Variants in PZP observed in about 807,000 individuals in gnomAD.
The protein encoded by PZP is pregnancy zone protein.
A neutral mutation model predicts 179.8 loss-of-function variants in PZP; 150 were observed. That is an observed-to-expected ratio of 0.83 (90% CI 0.73 to 0.96). The LOEUF (loss-of-function observed/expected upper bound fraction) is 0.96, where lower values mean the gene tolerates loss of function less well. Among genes scored for constraint, PZP ranks in the 40% least tolerant of loss-of-function variants. The probability of loss-of-function intolerance (pLI) is 0.00; values close to 1 mark genes in which losing one functional copy is unlikely to be tolerated. For missense variants in PZP, 1,689 were observed against 1,764.0 expected (o/e 0.96, Z 0.76); for synonymous variants, 624 against 652.3 (o/e 0.96, Z 0.66).
In PZP at chr12:9,162,456, A is replaced by G. The variant is rs1941275218; in HGVS notation, c.2788+141T>C. On this transcript the variant is annotated intron_variant, in intron 22 of 35. Coordinates refer to ENST00000261336, the MANE Select transcript of PZP (RefSeq NM_002864.3). ...CTCAATGTCTTCATCTGTAAAACAT[A>G]CATAAAGAAATATTTAGTATTATGC... 7.7e-6 allele frequency: 5 copies of G among 645,256 alleles called. No individual in the cohort carries two copies. In the East Asian group the frequency reaches 1.4e-4, roughly 18 times the overall value. 40.0% of individuals were successfully genotyped at this position (645,256 alleles called of 1,614,324 possible).
At chr12:9,144,112 G>A (rs1939879431), downstream of PZP, among the ~76,000 whole-genome samples, 1 of 152,102 alleles carries the variant, frequency 6.6e-6, no homozygotes, top group African/African-American at 2.4e-5. Flanking sequence ...GTCCAATATT[G>A]GATGTTCCAG....
downstream of PZP, among the ~76,000 whole-genome samples, chr12:9,146,332 G>T (rs1940006659): frequency 6.6e-6 from 1 of 151,456 alleles, no homozygotes; most frequent in African/African-American, 2.4e-5. Context: ...GAATTTTTAA[G>T]TTACTGTGTT....
At chr12:9,186,381 C>G (rs995811223) in intron 13 of PZP, among the ~76,000 whole-genome samples, 2 of 152,154 alleles carry the variant, frequency 1.3e-5, no homozygotes, top group African/African-American at 4.8e-5. Flanking sequence ...AACATGATGG[C>G]AGATTCAAAT....
chr12:9,169,086 G>A lies in PZP; in HGVS notation c.2002-112C>T, dbSNP rs1941797714. ...CCAGTATCCTTATATTAATTCTATGGCGAAACACTTGACAGTAAATATAGA... is the reference window on the plus strand; with the variant it reads ...CCAGTATCCTTATATTAATTCTATGACGAAACACTTGACAGTAAATATAGA... On this transcript the variant is annotated intron_variant, in intron 16 of 35. Transcript: ENST00000261336. 1.3e-5 allele frequency: 9 copies of A among 709,668 alleles called. No individual in the cohort carries two copies. In the Admixed American group the frequency reaches 2.2e-4, roughly 17 times the overall value. The allele number at this position is 709,668 out of a possible 1,614,324, so 44.0% of individuals were successfully genotyped here.
At chr12:9,162,368 C>A in intron 22 of PZP, 1 of 480,322 alleles carries the variant, frequency 2.1e-6, no homozygotes, top group Non-Finnish European at 3.7e-6. Context: ...ACGTATGAAC[C>A]AAGAAAGCCC....
Position 9,182,136 on chromosome 12 carries a change from G to GAGACAAAATGGTCATAAGTC in PZP, c.1547-20_1547-19insGACTTATGACCATTTTGTCT. 1 of 1,610,840 alleles carries GAGACAAAATGGTCATAAGTC rather than the reference G, an allele frequency of 6.2e-7. No individual in the cohort carries two copies. The highest frequency in any genetic ancestry group is 8.5e-7 in the Non-Finnish European group (1 of 1,178,144). On this transcript the variant is annotated intron_variant, in intron 13 of 35. Coordinates refer to ENST00000261336, the MANE Select transcript of PZP (RefSeq NM_002864.3). ...CCTTTCACTGGAACATGGAGAGAGT[G>GAGACAAAATGGTCATAAGTC]AGACAAAATGGTCATAAGTGAGACA...
the PZP span, among the ~76,000 whole-genome samples, chr12:9,141,255 C>G: frequency 6.6e-6 from 1 of 151,980 alleles, no homozygotes; most frequent in Non-Finnish European, 1.5e-5. Flanking sequence ...CAAATATAGC[C>G]CAAAGAAAGC....
chr12:9,194,653 A>G (rs1229984431), intron 10 of PZP, among the ~76,000 whole-genome samples: 5 of 151,786 alleles, frequency 3.3e-5, no homozygotes, highest in African/African-American at 1.2e-4. Context: ...TTTAGTAGAG[A>G]CGGGGTTTCA....
intron 22 of PZP, 102 bp from the exon 23 acceptor site, chr12:9,161,218 A>G (rs772729072): frequency 4.1e-6 from 4 of 987,162 alleles, no homozygotes; most frequent in African/African-American, 1.7e-5. Context: ...CTCCCTGGAT[A>G]TGGTACTGGC....
At chr12:9,155,326 G>T (rs2114852) in intron 28 of PZP, among the ~76,000 whole-genome samples, 2 of 152,174 alleles carry the variant, frequency 1.3e-5, no homozygotes, top group Non-Finnish European at 2.9e-5. Context: ...GAATCAGTCC[G>T]TTTTTGTTGT....
At chr12:9,197,744 TAC>T (rs1310564161) in intron 7 of PZP, among the ~76,000 whole-genome samples, 14 of 88,486 alleles carry the variant, frequency 1.6e-4, no homozygotes, top group Non-Finnish European at 2.7e-4. Flanking sequence ...TATTATACAA[TAC>T]ATAATATATA....
Position 9,194,090 on chromosome 12 carries a change from T to G in PZP, c.1241A>C (p.Lys414Thr). Residue 414 changes from lysine to threonine, a missense_variant, in exon 11 of 36, where the codon AAA becomes ACA. Physicochemically the swap from Lys to Thr is moderately conservative, Grantham distance 78 (BLOSUM62 -1). Transcript: ENST00000261336. Reference protein sequence around the residue: ...SINTTSISVNKLFVRVFTVHP... With the variant: ...SINTTSISVNTLFVRVFTVHP... Reference sequence around the variant, plus strand: ...TTCTATACTTACCCGGACAAAAAGTTTATTAACCGAGATACTGGTAGTATT... The same window carrying G: ...TTCTATACTTACCCGGACAAAAAGTGTATTAACCGAGATACTGGTAGTATT... The G allele has an allele frequency of 6.2e-7, 1 of 1,613,476 alleles. No individual in the cohort carries two copies. Among genetic ancestry groups the G allele is most frequent in the Non-Finnish European group, 8.5e-7 (1 of 1,179,636 alleles).
intron 32 of PZP, among the ~76,000 whole-genome samples, 182 bp downstream of exon 32, chr12:9,152,038 C>G (rs779866679): frequency 6.6e-6 from 1 of 152,134 alleles, no homozygotes; most frequent in Non-Finnish European, 1.5e-5. Context: ...GTGCATTTCT[C>G]TGGTATCACA....
intron 17 of PZP, 59 bp from the exon 18 acceptor site, chr12:9,166,261 A>C: frequency 6.4e-7 from 1 of 1,554,946 alleles, no homozygotes; most frequent in South Asian, 1.2e-5. Flanking sequence ...CATGGTGCAC[A>C]TGTGAGACGT....
At chr12:9,139,625 T>C in the PZP span, among the ~76,000 whole-genome samples, 8 of 152,224 alleles carry the variant, frequency 5.3e-5, no homozygotes, top group African/African-American at 9.6e-5. Context: ...TGGATGCATA[T>C]ATAATTGTAA....
At chr12:9,141,933 T>A in the PZP span, among the ~76,000 whole-genome samples, 1 of 152,132 alleles carries the variant, frequency 6.6e-6, no homozygotes, top group East Asian at 1.9e-4. Flanking sequence ...CAGCTAAGAG[T>A]TATATGGCAT....
At chr12:9,190,474 A>G (rs1394223019) in intron 13 of PZP, among the ~76,000 whole-genome samples, 1 of 152,124 alleles carries the variant, frequency 6.6e-6, no homozygotes, top group Non-Finnish European at 1.5e-5. Context: ...AAAGAGGACA[A>G]CACACAGTGG....
chr12:9,147,723 G>A (rs770108000), downstream of PZP, among the ~76,000 whole-genome samples: 1 of 152,150 alleles, frequency 6.6e-6, no homozygotes, highest in East Asian at 1.9e-4. Context: ...ACTGTGTTAT[G>A]GCTCCACTCT....
At chr12:9,139,941 G>T in the PZP span, among the ~76,000 whole-genome samples, 1 of 152,198 alleles carries the variant, frequency 6.6e-6, no homozygotes. Flanking sequence ...ATGTTTCTGT[G>T]TGGAGGAGAA....
Sources: gnomAD v4.1 joint callset for allele counts (sites outside exome capture counted in the v4.1 genomes callset) on GRCh38, gnomAD v4.1.1 for gene constraint, MANE v1.5 for transcripts, NCBI Gene and HGNC (gene_info 2026-07-23, HGNC 2026-07-21) for gene names.